RTF2: variants seen among roughly 807,000 people sequenced by gnomAD.
RTF2 encodes the protein replication termination factor 2, also known as UPF0549 protein C20orf43.
A neutral mutation model predicts 38.0 loss-of-function variants in RTF2; 18 were observed. That is an observed-to-expected ratio of 0.47 (90% confidence interval 0.33 to 0.70). RTF2 has a LOEUF of 0.70. Ranked by LOEUF, RTF2 falls within the 30% of genes least tolerant of loss-of-function variation. RTF2 has a pLI of 0.02. For synonymous variants in RTF2, 126 were observed against 137.1 expected (o/e 0.92, Z 0.57); for missense variants, 311 against 379.6 (o/e 0.82, Z 1.50).
At chr20:56,513,658 T>C in intron 6 of RTF2, 1 of 434,676 alleles carries the variant, frequency 2.3e-6, no homozygotes, top group East Asian at 4.3e-5. Flanking sequence ...ATCAGTGAAG[T>C]GGGGTAGTGA....
chr20:56,506,102 T>G (rs1984250910), intron 5 of RTF2, among the ~76,000 whole-genome samples: 1 of 152,224 alleles, frequency 6.6e-6, no homozygotes, highest in Non-Finnish European at 1.5e-5. Context: ...TCATCTCCTT[T>G]TATACTACTT....
At position 56,476,973 on chromosome 20, in the gene RTF2, G is replaced by C. The variant is rs966124270; in HGVS notation, c.259-12G>C. 1.2e-6 allele frequency: 2 copies of C among 1,613,152 alleles called. No homozygotes were observed. Among genetic ancestry groups the C allele is most frequent in the Admixed American group, 3.3e-5 (2 of 59,992 alleles). On this transcript the variant is annotated splice_polypyrimidine_tract_variant and intron_variant, in intron 3 of 8. Transcript: ENST00000357348. ...TCAAATGAATTGTTAAAATATTAAT[G>C]GTTTTTCCCAGAATGTGACAGAGCT...
intron 4 of RTF2, among the ~76,000 whole-genome samples, chr20:56,478,163 T>C (rs894083861): frequency 1.3e-5 from 2 of 152,148 alleles, no homozygotes; most frequent in Admixed American, 1.3e-4. Context: ...GGAAAGCAAG[T>C]CACACAAAAT....
At chr20:56,489,441 T>C (rs952014016) in intron 5 of RTF2, among the ~76,000 whole-genome samples, 1 of 152,174 alleles carries the variant, frequency 6.6e-6, no homozygotes, top group African/African-American at 2.4e-5. Context: ...TTTCAATTTG[T>C]GCTTCTTTGT....
intron 4 of RTF2, among the ~76,000 whole-genome samples, chr20:56,480,105 T>C (rs1982457590): frequency 6.6e-6 from 1 of 152,218 alleles, no homozygotes; most frequent in African/African-American, 2.4e-5. Context: ...AAGTCCTGGA[T>C]AGCATCTTCT....
intron 5 of RTF2, among the ~76,000 whole-genome samples, chr20:56,509,493 A>G (rs530075372): frequency 6.6e-6 from 1 of 152,118 alleles, no homozygotes; most frequent in African/African-American, 2.4e-5. Context: ...GGGGCCTGTA[A>G]TCCCAGCTAC....
rs543017298 is a variant in RTF2, at chr20:56,495,469, G to T, written c.477+11280G>T. On this transcript the variant is annotated intron_variant, in intron 5 of 8. Transcript: ENST00000357348. ...GTTTCACTTGTAACATCGGATCAAAGGCTAGTGCTTTTGGGGGTGGGAGCA... is the reference window on the plus strand; with the variant it reads ...GTTTCACTTGTAACATCGGATCAAATGCTAGTGCTTTTGGGGGTGGGAGCA... Among the ~76,000 whole-genome samples, 4 of 152,334 alleles carry T rather than the reference G, an allele frequency of 2.6e-5. No individual in the cohort carries two copies. The East Asian group carries it at 7.7e-4, about 29-fold the overall frequency.
intron 2 of RTF2, among the ~76,000 whole-genome samples, chr20:56,474,105 T>C (rs1326266214): frequency 6.6e-6 from 1 of 152,202 alleles, no homozygotes; most frequent in Admixed American, 6.5e-5. Flanking sequence ...AATACGTACT[T>C]ATACGTTAAA....
chr20:56,470,589 G>A (rs1355951299), intron 1 of RTF2: 1 of 455,982 alleles, frequency 2.2e-6, no homozygotes, highest in East Asian at 7.0e-5. Flanking sequence ...ATCATCTTTT[G>A]TTCTAATAAG....
At chr20:56,499,990 C>G (rs1433575524) in intron 5 of RTF2, among the ~76,000 whole-genome samples, 1 of 151,990 alleles carries the variant, frequency 6.6e-6, no homozygotes. Context: ...CCCTCCTTGG[C>G]CTCTCAAAGT....
intron 5 of RTF2, among the ~76,000 whole-genome samples, chr20:56,508,945 A>G (rs569943282): frequency 1.3e-5 from 2 of 152,220 alleles, no homozygotes; most frequent in Admixed American, 6.5e-5. Context: ...GTAAATCACA[A>G]TCTTGGGTTA....
chr20:56,491,805 C>A, intron 5 of RTF2: 1 of 1,522,824 alleles, frequency 6.6e-7, no homozygotes, highest in Non-Finnish European at 8.9e-7. Context: ...AACACAAAAA[C>A]CTAGCTGCCT....
chr20:56,470,631 G>C (rs1981910235), intron 1 of RTF2: 1 of 455,854 alleles, frequency 2.2e-6, no homozygotes, highest in Non-Finnish European at 4.4e-6. Flanking sequence ...GATGGGGCCT[G>C]GTCACCAGAA....
chr20:56,497,230 G>A (rs1365878695), intron 5 of RTF2: 1 of 1,551,858 alleles, frequency 6.4e-7, no homozygotes, highest in Non-Finnish European at 8.7e-7. Flanking sequence ...GCTCTGAGAA[G>A]CTGCACAAAC....
intron 5 of RTF2, chr20:56,496,732 G>A (rs895580981): frequency 6.5e-5 from 101 of 1,551,950 alleles, no homozygotes; most frequent in Non-Finnish European, 8.6e-5. Flanking sequence ...ATGTCAGTCA[G>A]TATGAACTCT....
At chr20:56,483,456 G>A (rs970431460) in intron 4 of RTF2, among the ~76,000 whole-genome samples, 1 of 151,940 alleles carries the variant, frequency 6.6e-6, no homozygotes, top group Non-Finnish European at 1.5e-5. Flanking sequence ...CCTAGTAGCT[G>A]GGACTGCAGG....
chr20:56,489,218 G>GTTTTTTT (rs1248222611), intron 5 of RTF2, among the ~76,000 whole-genome samples: 2 of 79,166 alleles, frequency 2.5e-5, no homozygotes, highest in African/African-American at 1.0e-4. Flanking sequence ...ACCATGCCTG[G>GTTTTTTT]TTATTTTTTT....
At chr20:56,518,004 C>G in intron 8 of RTF2, 83 bp from the exon 9 acceptor site, 1 of 1,370,040 alleles carries the variant, frequency 7.3e-7, no homozygotes, top group Non-Finnish European at 1.0e-6. Context: ...GACAGAGTGA[C>G]TGATGGGCTT....
At chr20:56,474,989 G>C (rs1982163312) in intron 3 of RTF2, among the ~76,000 whole-genome samples, 1 of 152,186 alleles carries the variant, frequency 6.6e-6, no homozygotes, top group Non-Finnish European at 1.5e-5. Context: ...AATTTCACCT[G>C]TGTGTTGTGC....
Sources: allele counts gnomAD v4.1 joint callset (sites outside exome capture counted in the v4.1 genomes callset), GRCh38; gene constraint gnomAD v4.1.1; transcripts MANE v1.5; gene names NCBI Gene and HGNC (gene_info 2026-07-23, HGNC 2026-07-21).